The following MSI2 variants were observed in gnomAD, a reference collection of about 807,000 sequenced individuals.
MSI2 encodes the protein musashi RNA binding protein 2.
A neutral mutation model predicts 45.6 loss-of-function variants in MSI2; 17 were observed. The ratio of observed to expected loss-of-function variants is 0.37; its 90% CI spans 0.26 to 0.56. MSI2 has a LOEUF of 0.56. Ranked by LOEUF, MSI2 falls within the 20% of genes least tolerant of loss-of-function variation. The pLI, the probability that MSI2 is intolerant of heterozygous loss-of-function variation, is 0.77. For synonymous variants in MSI2, 156 were observed against 158.2 expected, an observed-to-expected ratio of 0.99 and a Z score of 0.11; for missense variants, 293 against 444.2, an observed-to-expected ratio of 0.66 and a Z score of 3.06.
chr17:57,489,143 C>T (rs1306325599), intron 6 of MSI2, among the ~76,000 whole-genome samples: 1 of 152,186 alleles, frequency 6.6e-6, no homozygotes, highest in South Asian at 2.1e-4. Context: ...CCGCAAGCCA[C>T]GTGCTTTCTG....
intron 6 of MSI2, among the ~76,000 whole-genome samples, chr17:57,428,931 A>C (rs2084544107): frequency 6.6e-6 from 1 of 152,174 alleles, no homozygotes; most frequent in Non-Finnish European, 1.5e-5. Flanking sequence ...TGATCAGTAT[A>C]CATTTGTGAT....
At chr17:57,477,561 C>T (rs565067800) in intron 6 of MSI2, among the ~76,000 whole-genome samples, 1 of 152,188 alleles carries the variant, frequency 6.6e-6, no homozygotes, top group South Asian at 2.1e-4. Context: ...TGAGAATGGG[C>T]CCTCACCCCC....
At chr17:57,331,554 T>G (rs1914279858) in intron 5 of MSI2, among the ~76,000 whole-genome samples, 1 of 152,198 alleles carries the variant, frequency 6.6e-6, no homozygotes, top group African/African-American at 2.4e-5. Flanking sequence ...CTTCTGCCCC[T>G]CCTGAGCGAG....
rs893077536 is a variant in MSI2, at chr17:57,652,012, G to C, written c.728-87G>C. The C allele has an allele frequency of 8.3e-7, 1 of 1,205,186 alleles. No homozygotes were observed. Among genetic ancestry groups the C allele is most frequent in the African/African-American group, 1.5e-5 (1 of 66,826 alleles). The allele number at this position is 1,205,186 out of a possible 1,614,324, so 74.7% of individuals were successfully genotyped here. A position where few individuals can be genotyped will look rare whatever the true frequency, so the allele number is the denominator to read the frequency against. On this transcript the variant is annotated intron_variant, in intron 10 of 13. Coordinates refer to ENST00000284073, the MANE Select transcript of MSI2 (RefSeq NM_138962.4). The surrounding 1 kb of genome is among the most constrained non-coding windows in gnomAD (Gnocchi z 4.1). ...CCACTCCTGTCTTTGTGTGGAGGGC[G>C]GGGGGTTGTGTGGCCCGTGACCTAG...
chr17:57,519,042 G>A (rs1478023278), intron 6 of MSI2, among the ~76,000 whole-genome samples: 3 of 152,250 alleles, frequency 2.0e-5, no homozygotes, highest in East Asian at 1.9e-4. Context: ...TTGGGCCCAC[G>A]GCTTTGCAAG....
chr17:57,658,578 C>G (rs1315634602), intron 11 of MSI2, among the ~76,000 whole-genome samples: 1 of 152,196 alleles, frequency 6.6e-6, no homozygotes, highest in Non-Finnish European at 1.5e-5. Flanking sequence ...AATACATCAG[C>G]TCTAATCAAT....
At chr17:57,452,644 T>C (rs1001420190) in intron 6 of MSI2, among the ~76,000 whole-genome samples, 2 of 152,248 alleles carry the variant, frequency 1.3e-5, no homozygotes, top group African/African-American at 4.8e-5. Context: ...AAAAGATTGC[T>C]CTCTAAGATG....
intron 6 of MSI2, among the ~76,000 whole-genome samples, chr17:57,493,684 G>A (rs1455226336): frequency 2.0e-5 from 3 of 150,966 alleles, no homozygotes; most frequent in East Asian, 1.9e-4. Context: ...TCCTAGTCAC[G>A]AGAAGGAGTA....
chr17:57,383,892 G>T (rs2083641564), intron 5 of MSI2, among the ~76,000 whole-genome samples: 1 of 152,178 alleles, frequency 6.6e-6, no homozygotes, highest in Non-Finnish European at 1.5e-5. Flanking sequence ...GTGCACCCAT[G>T]GGCCTGTCTG....
At chr17:57,561,058 C>A (rs1490462473) in intron 7 of MSI2, among the ~76,000 whole-genome samples, 1 of 152,200 alleles carries the variant, frequency 6.6e-6, no homozygotes, top group East Asian at 1.9e-4. Flanking sequence ...GCGGTGAGGT[C>A]GGTGCCCTCT....
intron 7 of MSI2, among the ~76,000 whole-genome samples, chr17:57,592,890 T>C (rs1216352266): frequency 6.6e-6 from 1 of 151,770 alleles, no homozygotes; most frequent in East Asian, 1.9e-4. Context: ...GGTATGGAGG[T>C]GATTTGTGCA....
intron 9 of MSI2, among the ~76,000 whole-genome samples, chr17:57,622,405 G>T (rs971262352): frequency 1.3e-5 from 2 of 152,196 alleles, no homozygotes; most frequent in African/African-American, 4.8e-5. Flanking sequence ...TAATCCCACT[G>T]CCTTTAACTT....
At chr17:57,351,388 C>G (rs1916020470) in intron 5 of MSI2, among the ~76,000 whole-genome samples, 1 of 152,154 alleles carries the variant, frequency 6.6e-6, no homozygotes, top group African/African-American at 2.4e-5. Context: ...CTCATCAACA[C>G]CTCCTAGCCA....
intron 6 of MSI2, among the ~76,000 whole-genome samples, chr17:57,481,815 T>C (rs535810664): frequency 1.8e-4 from 28 of 152,340 alleles, no homozygotes; most frequent in Middle Eastern, 6.8e-3. Context: ...CAGGGTGGTA[T>C]ATGCTTATTA....
rs570576138 is a variant in MSI2 at position 57,585,388 on chromosome 17, A to G, written c.455-11480A>G. Among the ~76,000 whole-genome samples the G allele has an allele frequency of 4.6e-5, 7 of 152,340 alleles. No homozygotes were observed. The South Asian group carries it at 1.0e-3, about 23-fold the overall frequency. On this transcript the variant is annotated intron_variant, in intron 7 of 13. Coordinates refer to ENST00000284073, the MANE Select transcript of MSI2 (RefSeq NM_138962.4). Reference sequence around the variant, plus strand: ...GGGCTAGCTATCTTCTCAGAAGTGCAGGTGTTTTTAAGCAATCCTGACTGG... The same window carrying G: ...GGGCTAGCTATCTTCTCAGAAGTGCGGGTGTTTTTAAGCAATCCTGACTGG...
intron 6 of MSI2, among the ~76,000 whole-genome samples, chr17:57,481,559 G>T (rs2085648266): frequency 6.6e-6 from 1 of 152,210 alleles, no homozygotes; most frequent in African/African-American, 2.4e-5. Flanking sequence ...ACAATTGGTA[G>T]ATTGTAGTCG....
At chr17:57,393,734 T>A (rs1294173147) in intron 5 of MSI2, among the ~76,000 whole-genome samples, 1 of 152,184 alleles carries the variant, frequency 6.6e-6, no homozygotes, top group East Asian at 1.9e-4. Flanking sequence ...CAGGCTGGAG[T>A]GCAATGGCAC....
At position 57,467,998 on chromosome 17, in the gene MSI2, G is replaced by A. The variant is rs115109451; in HGVS notation, c.406-61678G>A. Among the ~76,000 whole-genome samples, 819 of 151,946 alleles carry A rather than the reference G, an allele frequency of 5.4e-3. 12 individuals carry two copies. The highest frequency in any genetic ancestry group is 0.019 in the African/African-American group (774 of 41,458). On this transcript the variant is annotated intron_variant, in intron 6 of 13. Coordinates refer to ENST00000284073, the MANE Select transcript of MSI2 (RefSeq NM_138962.4). Reference sequence around the variant, plus strand: ...GCCAACAAAGGTCACCTCCTTGGCTGTGTGGTCTGTCAACTAAAGTCGTTG... The same window carrying A: ...GCCAACAAAGGTCACCTCCTTGGCTATGTGGTCTGTCAACTAAAGTCGTTG...
intron 5 of MSI2, among the ~76,000 whole-genome samples, chr17:57,392,306 T>C (rs2083808735): frequency 6.6e-6 from 1 of 152,138 alleles, no homozygotes; most frequent in East Asian, 1.9e-4. Context: ...AAGTAGTATT[T>C]TTTAAATTAG....
Sources: allele counts gnomAD v4.1 joint callset (sites outside exome capture counted in the v4.1 genomes callset), GRCh38; gene constraint gnomAD v4.1.1; non-coding constraint Gnocchi (gnomAD v3.1); transcripts MANE v1.5; gene names NCBI Gene and HGNC (gene_info 2026-07-23, HGNC 2026-07-21).